COL4A2: variants seen among roughly 807,000 people sequenced by gnomAD.
The protein encoded by COL4A2 is collagen type IV alpha 2 chain, also known as collagen alpha-2(IV) chain.
COL4A2 carries 99 observed loss-of-function variants against 200.2 expected under a neutral mutation model. That is an observed-to-expected ratio of 0.49 (90% CI 0.42 to 0.58). The LOEUF is 0.58. Among genes scored for constraint, COL4A2 ranks in the 20% least tolerant of loss-of-function variants. The pLI is 0.00. For synonymous variants in COL4A2, 897 were observed against 900.6 expected (o/e 1.00, Z 0.07); for missense variants, 1,950 against 2,314.1 (o/e 0.84, Z 3.23).
intron 44 of COL4A2, 72 bp from the exon 45 acceptor site, chr13:110,504,066 CCTCTTGTGTT>C: frequency 6.4e-7 from 1 of 1,565,608 alleles, no homozygotes; most frequent in Middle Eastern, 1.7e-4. Context: ...GGCATTGCGT[CCTCTTGTGTT>C]CTCTTTGTGG....
intron 4 of COL4A2, among the ~76,000 whole-genome samples, chr13:110,360,450 T>C (rs1877465191): frequency 6.6e-6 from 1 of 152,220 alleles, no homozygotes; most frequent in Non-Finnish European, 1.5e-5. Flanking sequence ...AGTGTACTGT[T>C]ACACGATGCC....
At chr13:110,407,100 G>A (rs956952710) in intron 4 of COL4A2, among the ~76,000 whole-genome samples, 11 of 152,182 alleles carry the variant, frequency 7.2e-5, no homozygotes, top group Admixed American at 5.9e-4. Flanking sequence ...ATATAAACCC[G>A]GTGGGATGGA....
intron 4 of COL4A2, among the ~76,000 whole-genome samples, chr13:110,357,798 A>G (rs1285448208): frequency 1.3e-5 from 2 of 152,216 alleles, no homozygotes; most frequent in Admixed American, 6.5e-5. Context: ...TTGTATATCT[A>G]AATACAGAAA....
intron 36 of COL4A2, among the ~76,000 whole-genome samples, chr13:110,490,484 C>A (rs1883252625): frequency 6.6e-6 from 1 of 152,164 alleles, no homozygotes; most frequent in Non-Finnish European, 1.5e-5. Context: ...TGGGCCAGTT[C>A]TTTATCTAGA....
intron 36 of COL4A2, 59 bp from the exon 37 acceptor site, chr13:110,491,174 C>A: frequency 8.0e-7 from 1 of 1,251,150 alleles, no homozygotes; most frequent in East Asian, 2.5e-5. Flanking sequence ...GCCGGGGTTC[C>A]AGGGAACCCA....
intron 3 of COL4A2, among the ~76,000 whole-genome samples, chr13:110,352,819 AGGCCTT>A (rs1480834943): frequency 6.6e-6 from 1 of 152,178 alleles, no homozygotes; most frequent in East Asian, 1.9e-4. Context: ...TGGTCCCGCC[AGGCCTT>A]GAGTCCTTTC....
chr13:110,493,556 GC>G (rs1168768752), intron 39 of COL4A2, among the ~76,000 whole-genome samples: 1 of 152,180 alleles, frequency 6.6e-6, no homozygotes, highest in Non-Finnish European at 1.5e-5. Flanking sequence ...TAGAGTCCTT[GC>G]TTTTTCAGCA....
At chr13:110,348,912 G>T (rs543433637) in intron 3 of COL4A2, among the ~76,000 whole-genome samples, 1 of 152,350 alleles carries the variant, frequency 6.6e-6, no homozygotes, top group Admixed American at 6.5e-5. Context: ...CTTGGAACAT[G>T]TAGAGGACAA....
At position 110,512,373 on chromosome 13, in the gene COL4A2, G is replaced by A. The variant is rs1030375779; in HGVS notation, c.*182G>A. 1.9e-6 allele frequency: 2 copies of A among 1,050,440 alleles called. No individual in the cohort carries two copies. The highest frequency in any genetic ancestry group is 2.7e-6 in the Non-Finnish European group (2 of 751,682). 65.1% of individuals were successfully genotyped at this position (1,050,440 alleles called of 1,614,324 possible). ...CACCGAGCGGGTGCAAGCACTCGGG[G>A]TCCCTGGAGGGCAAGCCCTGCCCAC... On this transcript the variant is annotated 3_prime_UTR_variant, in exon 48 of 48. Transcript: ENST00000360467.
intron 3 of COL4A2, among the ~76,000 whole-genome samples, chr13:110,326,298 A>C (rs373071344): frequency 2.0e-5 from 3 of 152,322 alleles, no homozygotes. Context: ...TAAATTCTAC[A>C]GTGTACATAA....
Position 110,449,899 on chromosome 13 carries a change from TC to T in COL4A2, c.1189+114del, listed in dbSNP as rs1355319367. The T allele has an allele frequency of 4.8e-6, 6 of 1,239,460 alleles. No individual in the cohort carries two copies. In the Admixed American group the frequency reaches 1.3e-4, roughly 26 times the overall value. 76.8% of individuals were successfully genotyped at this position (1,239,460 alleles called of 1,614,324 possible). ...GACGTAGCTATGTCGTTGTTACTTT[TC>T]CCCACTGACTAGTCTTAGCAGCTCT... is the stretch of plus-strand genomic sequence containing the variant. On this transcript the variant is annotated intron_variant, in intron 19 of 47. Coordinates refer to ENST00000360467, the MANE Select transcript of COL4A2 (RefSeq NM_001846.4).
chr13:110,425,765 C>A (rs557500644), intron 6 of COL4A2, among the ~76,000 whole-genome samples: 3 of 152,258 alleles, frequency 2.0e-5, no homozygotes, highest in African/African-American at 7.2e-5. Context: ...CGCACACGCA[C>A]AGGGAGAGAG....
At chr13:110,390,551 C>A (rs1566508096) in intron 4 of COL4A2, among the ~76,000 whole-genome samples, 1 of 152,222 alleles carries the variant, frequency 6.6e-6, no homozygotes, top group Non-Finnish European at 1.5e-5. Context: ...AAACTGACAC[C>A]CCATTAAACC....
chr13:110,465,683 C>T (rs985904896), intron 25 of COL4A2, 77 bp downstream of exon 25: 1 of 1,294,006 alleles, frequency 7.7e-7, no homozygotes, highest in Non-Finnish European at 1.1e-6. Context: ...TAGACGTTTC[C>T]CAGTAGAGTC....
rs1883217957 is a variant in COL4A2, at chr13:110,489,634, A to G, written c.3272-77A>G. The G allele has an allele frequency of 1.9e-6, 3 of 1,600,332 alleles. 1 individual carries two copies. The highest frequency in any genetic ancestry group is 2.6e-6 in the Non-Finnish European group (3 of 1,167,502). On this transcript the variant is annotated intron_variant, in intron 35 of 47. Transcript: ENST00000360467. ...AACAAATTATTCTTGTTAGGAATAT[A>G]ACAAAATAGAAGTTGCAAAACTCAC...
intron 3 of COL4A2, among the ~76,000 whole-genome samples, chr13:110,327,305 G>A (rs578231973): frequency 6.6e-6 from 1 of 150,936 alleles, no homozygotes; most frequent in Non-Finnish European, 1.5e-5. Flanking sequence ...TGCCCTTCCC[G>A]GGGGGTCCTC....
intron 4 of COL4A2, among the ~76,000 whole-genome samples, chr13:110,358,301 C>T (rs1056977736): frequency 2.4e-4 from 37 of 152,260 alleles, no homozygotes; most frequent in African/African-American, 8.7e-4. Flanking sequence ...ATATCACTGT[C>T]TTTCACCTCC....
rs148825551 is a variant in COL4A2, at chr13:110,432,478, G to A, written c.684+118G>A. 180 of 1,267,868 alleles carry A rather than the reference G, an allele frequency of 1.4e-4. No individual in the cohort carries two copies. In the East Asian group the frequency reaches 3.9e-3, roughly 27 times the overall value. The allele number at this position is 1,267,868 out of a possible 1,614,324, so 78.5% of individuals were successfully genotyped here. On this transcript the variant is annotated intron_variant, in intron 11 of 47. Transcript: ENST00000360467. ...AACTATTTATTGTTTATATTATGAT[G>A]AAAACAGTTTTGGAGGTTTTTAAGA...
At chr13:110,394,607 C>T (rs2139425363) in intron 4 of COL4A2, among the ~76,000 whole-genome samples, 1 of 152,332 alleles carries the variant, frequency 6.6e-6, no homozygotes, top group South Asian at 2.1e-4. Context: ...GTGCACACGA[C>T]CTCTCGGTCC....
Sources: gnomAD v4.1 joint callset for allele counts (sites outside exome capture counted in the v4.1 genomes callset) on GRCh38, gnomAD v4.1.1 for gene constraint, MANE v1.5 for transcripts, NCBI Gene and HGNC (gene_info 2026-07-23, HGNC 2026-07-21) for gene names.